Variants in KLF13 observed in about 807,000 individuals in gnomAD.
KLF13 encodes KLF transcription factor 13.
A neutral mutation model predicts 16.7 loss-of-function variants in KLF13; 8 were observed. The ratio of observed to expected loss-of-function variants is 0.48; its 90% CI spans 0.28 to 0.87. KLF13 has a LOEUF of 0.87. Ranked by LOEUF, KLF13 falls within the 40% of genes least tolerant of loss-of-function variation. The pLI is 0.10. For synonymous variants in KLF13, 245 were observed against 208.4 expected (o/e 1.18, Z -1.51); for missense variants, 447 against 452.2 (o/e 0.99, Z 0.10).
At chr15:31,435,165 T>C (rs1245131214) in intron 1 of KLF13, among the ~76,000 whole-genome samples, 1 of 152,098 alleles carries the variant, frequency 6.6e-6, no homozygotes, top group Non-Finnish European at 1.5e-5. Flanking sequence ...TTCAATGTGT[T>C]GTAGGCTGTG....
At chr15:31,365,252 C>G (rs998859178) in intron 1 of KLF13, among the ~76,000 whole-genome samples, 1 of 152,214 alleles carries the variant, frequency 6.6e-6, no homozygotes, top group Non-Finnish European at 1.5e-5. Flanking sequence ...GTCTGACCAG[C>G]GCTGCCCCTG....
intron 1 of KLF13, among the ~76,000 whole-genome samples, chr15:31,328,673 A>T (rs2038768108): frequency 6.6e-6 from 1 of 152,142 alleles, no homozygotes; most frequent in Admixed American, 6.5e-5. Context: ...CGCCCCCGCC[A>T]GCCCAGCGGC....
At chr15:31,408,223 CAT>C (rs2040151004), downstream of KLF13, among the ~76,000 whole-genome samples, 4 of 152,292 alleles carry the variant, frequency 2.6e-5, no homozygotes, top group Admixed American at 2.6e-4. Flanking sequence ...TAATAGATTT[CAT>C]ATGTTGCATA....
intron 1 of KLF13, among the ~76,000 whole-genome samples, chr15:31,354,744 G>T (rs1214371433): frequency 6.6e-6 from 1 of 152,068 alleles, no homozygotes. Context: ...ACATCTTCAG[G>T]ACACCCACAT....
chr15:31,396,953 A>C (rs1485108621), intron 2 of KLF13, among the ~76,000 whole-genome samples: 2 of 152,050 alleles, frequency 1.3e-5, no homozygotes, highest in African/African-American at 2.4e-5. Flanking sequence ...GACAGCTTGG[A>C]GGTTAGAAGC....
chr15:31,364,674 T>G (rs1334418039), intron 1 of KLF13, among the ~76,000 whole-genome samples: 1 of 152,276 alleles, frequency 6.6e-6, no homozygotes, highest in Non-Finnish European at 1.5e-5. Flanking sequence ...GGCTGCTTCC[T>G]TGCCCCAGGC....
chr15:31,338,029 T>C (rs2038959361), intron 1 of KLF13, among the ~76,000 whole-genome samples: 2 of 152,246 alleles, frequency 1.3e-5, no homozygotes, highest in Admixed American at 1.3e-4. Flanking sequence ...CCTGAATTAC[T>C]GTCAGGCTTT....
intron 1 of KLF13, among the ~76,000 whole-genome samples, chr15:31,426,527 A>T (rs2040403377): frequency 6.6e-6 from 1 of 152,242 alleles, no homozygotes; most frequent in South Asian, 2.1e-4. Context: ...CAACCTACAG[A>T]ATGGAAGAAA....
chr15:31,423,780 T>C (rs919258237), intron 1 of KLF13, among the ~76,000 whole-genome samples: 8 of 152,200 alleles, frequency 5.3e-5, no homozygotes, highest in African/African-American at 9.7e-5. Flanking sequence ...AAACAAATCT[T>C]AAATTTAAGA....
chr15:31,424,506 A>G (rs969022084), intron 1 of KLF13, among the ~76,000 whole-genome samples: 1 of 152,220 alleles, frequency 6.6e-6, no homozygotes, highest in Admixed American at 6.5e-5. Context: ...AAAAGAAAAA[A>G]GAATGAAGGA....
chr15:31,407,745 G>T (rs1566841284), downstream of KLF13, among the ~76,000 whole-genome samples: 1 of 152,004 alleles, frequency 6.6e-6, no homozygotes, highest in Non-Finnish European at 1.5e-5. Context: ...TCAATAATAA[G>T]AAATATACTA....
At chr15:31,409,045 G>A (rs1300493332), downstream of KLF13, among the ~76,000 whole-genome samples, 1 of 152,134 alleles carries the variant, frequency 6.6e-6, no homozygotes, top group Non-Finnish European at 1.5e-5. Flanking sequence ...AGCACTTTGG[G>A]AGCCTGAGGT....
chr15:31,397,014 T>C (rs2039960536), intron 2 of KLF13, among the ~76,000 whole-genome samples: 1 of 152,066 alleles, frequency 6.6e-6, no homozygotes, highest in African/African-American at 2.4e-5. Flanking sequence ...GTTATAATTT[T>C]GCAGTGGTGG....
Position 31,384,296 on chromosome 15 carries a change from G to T in KLF13, n.224-51074G>T, listed in dbSNP as rs976391430. Among the ~76,000 whole-genome samples the T allele has an allele frequency of 2.0e-5, 3 of 152,062 alleles. No homozygotes were observed. In the South Asian group the frequency reaches 6.2e-4, roughly 32 times the overall value. ...TCTACTAAAAATACAAAAATTAGCC[G>T]GGTGTGGTGCCTGTAATCCCAGCTA... On this transcript the variant is annotated intron_variant and non_coding_transcript_variant, in intron 1 of 1. Coordinates refer to the KLF13 transcript ENST00000558921.
chr15:31,432,896 C>T lies in KLF13; in HGVS notation n.118-2474C>T, dbSNP rs928406220. Among the ~76,000 whole-genome samples, 19 of 152,226 alleles carry T rather than the reference C, an allele frequency of 1.2e-4. No individual in the cohort carries two copies. The South Asian group carries it at 2.9e-3, about 23-fold the overall frequency. ...TTGGGAGGCCGAGGCAGGCGGATAACTTGAGGCCAGGAGTTCAAGACCAGC... is the reference window on the plus strand; with the variant it reads ...TTGGGAGGCCGAGGCAGGCGGATAATTTGAGGCCAGGAGTTCAAGACCAGC... On this transcript the variant is annotated intron_variant and non_coding_transcript_variant, in intron 1 of 1. Coordinates refer to the KLF13 transcript ENST00000558225.
At chr15:31,354,351 A>G (rs747517940) in intron 1 of KLF13, among the ~76,000 whole-genome samples, 2 of 152,158 alleles carry the variant, frequency 1.3e-5, no homozygotes, top group East Asian at 1.9e-4. Flanking sequence ...TAGGGTTGCA[A>G]TCCTTGTCCA....
chr15:31,417,960 T>A (rs935464780), intron 1 of KLF13, among the ~76,000 whole-genome samples: 14 of 152,170 alleles, frequency 9.2e-5, no homozygotes, highest in Non-Finnish European at 1.8e-4. Flanking sequence ...ACCTTTTTTT[T>A]AAATGACAAA....
At chr15:31,384,482 T>C (rs1353207905) in intron 1 of KLF13, among the ~76,000 whole-genome samples, 3 of 152,220 alleles carry the variant, frequency 2.0e-5, no homozygotes, top group African/African-American at 7.2e-5. Context: ...TTGTTACCTT[T>C]AGGTAGAGGA....
At chr15:31,340,984 G>T (rs2039013176) in intron 1 of KLF13, among the ~76,000 whole-genome samples, 2 of 152,224 alleles carry the variant, frequency 1.3e-5, no homozygotes, top group South Asian at 2.1e-4. Flanking sequence ...GCGCCCCTGT[G>T]CCCTGTGTTC....
Sources: gnomAD v4.1 joint callset for allele counts (sites outside exome capture counted in the v4.1 genomes callset) on GRCh38, gnomAD v4.1.1 for gene constraint, MANE v1.5 for transcripts, NCBI Gene and HGNC (gene_info 2026-07-23, HGNC 2026-07-21) for gene names.